The following TNFRSF10D variants were observed in gnomAD, a reference collection of about 807,000 sequenced individuals.
TNFRSF10D encodes the protein tumor necrosis factor receptor superfamily member 10D.
In TNFRSF10D, 28 loss-of-function variants were observed where a neutral mutation model predicts 42.1. That is an observed-to-expected ratio of 0.66 (90% CI 0.49 to 0.91). The LOEUF is 0.91. Ranked by LOEUF, TNFRSF10D falls within the 40% of genes least tolerant of loss-of-function variation. The pLI, the probability that TNFRSF10D is intolerant of heterozygous loss-of-function variation, is 0.00. For missense variants in TNFRSF10D, 503 were observed against 486.1 expected, an observed-to-expected ratio of 1.03 and a Z score of -0.33; for synonymous variants, 186 against 189.4, an observed-to-expected ratio of 0.98 and a Z score of 0.15.
Position 23,164,010 on chromosome 8 carries a change from G to C in TNFRSF10D, c.-75C>G. ...TCCCCGTAGTTTGTGCGCGTGCAAAGGTTCTCGCAGCTACACTGCCAGAAT... is the reference window on the plus strand; with the variant it reads ...TCCCCGTAGTTTGTGCGCGTGCAAACGTTCTCGCAGCTACACTGCCAGAAT... On this transcript the variant is annotated 5_prime_UTR_variant, in exon 1 of 9. Coordinates refer to ENST00000312584, the MANE Select transcript of TNFRSF10D (RefSeq NM_003840.5). 6.9e-7 allele frequency: 1 copy of C among 1,459,408 alleles called. No individual in the cohort carries two copies. Among genetic ancestry groups the C allele is most frequent in the Non-Finnish European group, 9.1e-7 (1 of 1,104,440 alleles). 90.4% of individuals were successfully genotyped at this position (1,459,408 alleles called of 1,614,324 possible). A position where few individuals can be genotyped will look rare whatever the true frequency, so the allele number is the denominator to read the frequency against.
At chr8:23,140,014 GTA>G (rs1404868408) in intron 7 of TNFRSF10D, among the ~76,000 whole-genome samples, 18 of 152,260 alleles carry the variant, frequency 1.2e-4, no homozygotes, top group South Asian at 2.1e-4. Context: ...GCGTAGCTGG[GTA>G]CGGTGGCTCA....
At chr8:23,158,553 C>T (rs886541911) in intron 1 of TNFRSF10D, among the ~76,000 whole-genome samples, 62 of 152,318 alleles carry the variant, frequency 4.1e-4, no homozygotes, top group African/African-American at 1.4e-3. Context: ...AGTGGATTTA[C>T]AGGGAGTGCA....
At chr8:23,140,665 G>A (rs768916445) in intron 7 of TNFRSF10D, among the ~76,000 whole-genome samples, 27 of 152,226 alleles carry the variant, frequency 1.8e-4, no homozygotes, top group Middle Eastern at 3.4e-3. Context: ...ACTGAATCAC[G>A]TGGACTGGTT....
At chr8:23,153,313 T>A (rs1253879272) in intron 2 of TNFRSF10D, among the ~76,000 whole-genome samples, 727 of 151,848 alleles carry the variant, frequency 4.8e-3, no homozygotes, top group African/African-American at 0.015. Flanking sequence ...GGTGTGGGCA[T>A]TGATTTCTTG....
At chr8:23,152,371 A>G (rs1197838084) in intron 2 of TNFRSF10D, among the ~76,000 whole-genome samples, 1 of 152,172 alleles carries the variant, frequency 6.6e-6, no homozygotes, top group South Asian at 2.1e-4. Flanking sequence ...CTTTATAAAG[A>G]TCCATGGGCA....
chr8:23,142,659 C>G (rs986354940), intron 7 of TNFRSF10D, among the ~76,000 whole-genome samples: 1 of 152,074 alleles, frequency 6.6e-6, no homozygotes, highest in Non-Finnish European at 1.5e-5. Context: ...GTGCCCACAA[C>G]CTGGATAAAA....
At position 23,138,260 on chromosome 8, in the gene TNFRSF10D, C is replaced by A; in HGVS notation, c.955G>T (p.Glu319Ter). 6.2e-7 allele frequency: 1 copy of A among 1,614,232 alleles called. No individual in the cohort carries two copies. The highest frequency in any genetic ancestry group is 1.1e-5 in the South Asian group (1 of 91,082). Residue 319 changes from glutamate to a stop codon, truncating the protein, a stop_gained and splice_region_variant, in exon 8 of 9, where the codon GAA (glutamate) becomes TAA (stop). Transcript: ENST00000312584. LOFTEE classifies it high-confidence loss of function. ...ELPEEPQRLLEQAEAEGCQRR... is the reference protein window; with the variant it reads ...ELPEEPQRLL The stretch of plus-strand genomic sequence containing the variant: ...TGACACCCTTCAGCTTCTGCCTGTT[C>A]CTGTAACACACAGTGGGGAATGCTC...
chr8:23,143,677 A>G (rs1195870062), intron 7 of TNFRSF10D, among the ~76,000 whole-genome samples: 5 of 152,190 alleles, frequency 3.3e-5, no homozygotes, highest in African/African-American at 9.7e-5. Context: ...AAATAGGAGA[A>G]TCAGTTCCTA....
chr8:23,139,630 A>T (rs1243255174), intron 7 of TNFRSF10D, among the ~76,000 whole-genome samples: 1 of 152,166 alleles, frequency 6.6e-6, no homozygotes, highest in African/African-American at 2.4e-5. Context: ...CAAGGCAAGG[A>T]TGCTCACGCT....
At chr8:23,139,761 C>A (rs1814411431) in intron 7 of TNFRSF10D, among the ~76,000 whole-genome samples, 1 of 152,174 alleles carries the variant, frequency 6.6e-6, no homozygotes, top group Non-Finnish European at 1.5e-5. Flanking sequence ...CGATATGATT[C>A]TATACCTTGG....
intron 2 of TNFRSF10D, among the ~76,000 whole-genome samples, chr8:23,149,759 T>C (rs1478593242): frequency 6.6e-6 from 1 of 151,916 alleles, no homozygotes; most frequent in African/African-American, 2.4e-5. Flanking sequence ...TGCACAACTA[T>C]CCCTGTCCAG....
Position 23,144,587 on chromosome 8 carries a change from C to A in TNFRSF10D, c.817G>T (p.Asp273Tyr), listed in dbSNP as rs1340453068. Residue 273 changes from aspartate (D) to tyrosine (Y), a missense_variant, in exon 7 of 9, where the codon GAC (aspartate) becomes TAC (tyrosine). By Grantham distance (160) the Asp-to-Tyr change is radical. Coordinates refer to ENST00000312584, the MANE Select transcript of TNFRSF10D (RefSeq NM_003840.5). ...CTCAGGGTCTCGTTGCGGGCATTGT[C>A]CTCCGCCCCAGGAACTCGTGAAGGA... is the stretch of plus-strand genomic sequence containing the variant. Reference protein sequence around the residue: ...SCPSRVPGAEDNARNETLSNR... With the variant: ...SCPSRVPGAEYNARNETLSNR... 6.2e-7 allele frequency: 1 copy of A among 1,614,042 alleles called. No homozygotes were observed. Among genetic ancestry groups the A allele is most frequent in the Non-Finnish European group, 8.5e-7 (1 of 1,180,022 alleles).
At chr8:23,148,965 C>A (rs562989641) in intron 2 of TNFRSF10D, among the ~76,000 whole-genome samples, 1 of 151,032 alleles carries the variant, frequency 6.6e-6, no homozygotes, top group Non-Finnish European at 1.5e-5. Flanking sequence ...CCAAGGCGGA[C>A]GAATCACGAG....
At chr8:23,155,807 G>A (rs538678804) in intron 1 of TNFRSF10D, among the ~76,000 whole-genome samples, 49 of 134,612 alleles carry the variant, frequency 3.6e-4, no homozygotes, top group African/African-American at 1.3e-3. Context: ...TTGACCAGTG[G>A]GTGAATATTC....
At chr8:23,142,400 A>G (rs138322390) in intron 7 of TNFRSF10D, among the ~76,000 whole-genome samples, 839 of 152,084 alleles carry the variant, frequency 5.5e-3, no homozygotes, top group African/African-American at 0.017. Context: ...TATACACCAT[A>G]GGTTACCACA....
At chr8:23,161,454 T>C (rs66624774) in intron 1 of TNFRSF10D, among the ~76,000 whole-genome samples, 25,813 of 152,164 alleles carry the variant, frequency 0.17, 2,904 homozygotes, top group East Asian at 0.58. Flanking sequence ...TCCAGGCTCA[T>C]CTGATGTCCT....
chr8:23,144,942 G>A, intron 6 of TNFRSF10D, 116 bp downstream of exon 6: 1 of 1,478,250 alleles, frequency 6.8e-7, no homozygotes, highest in Non-Finnish European at 9.4e-7. Context: ...CCCAGGCCAT[G>A]TCAGAGAGTC....
At chr8:23,145,958 T>A in intron 4 of TNFRSF10D, 37 bp from the exon 5 acceptor site, 2 of 1,613,272 alleles carry the variant, frequency 1.2e-6, no homozygotes, top group Non-Finnish European at 1.7e-6. Flanking sequence ...GGACTCTTGA[T>A]GGAAAGCTGG....
rs777989324 is a variant in TNFRSF10D, at chr8:23,163,775, C to T, written c.150+11G>A. On this transcript the variant is annotated intron_variant, in intron 1 of 8. Transcript: ENST00000312584. ...GCTCTTCCCCAGCCAGGGACCGCGG[C>T]GGAGACTCACCGGCAGCAGAACCGC... 1 of 1,604,896 alleles carries T rather than the reference C, an allele frequency of 6.2e-7. No homozygotes were observed. The highest frequency in any genetic ancestry group is 1.4e-5 in the African/African-American group (1 of 72,824).
Sources: allele counts gnomAD v4.1 joint callset (sites outside exome capture counted in the v4.1 genomes callset), GRCh38; gene constraint gnomAD v4.1.1; transcripts MANE v1.5; gene names NCBI Gene and HGNC (gene_info 2026-07-23, HGNC 2026-07-21).